The following NRCAM variants were observed in gnomAD, a reference collection of about 807,000 sequenced individuals.
NRCAM encodes the protein NgCAM-related cell adhesion molecule.
A neutral mutation model predicts 156.5 loss-of-function variants in NRCAM; 83 were observed. The ratio of observed to expected loss-of-function variants is 0.53; its 90% CI spans 0.44 to 0.64. The LOEUF (loss-of-function observed/expected upper bound fraction) is 0.64. Among genes scored for constraint, NRCAM ranks in the 30% least tolerant of loss-of-function variants. NRCAM has a pLI of 0.00. For synonymous variants in NRCAM, 538 were observed against 563.9 expected (o/e 0.95, Z 0.65); for missense variants, 1,417 against 1,597.3 (o/e 0.89, Z 1.92).
At chr7:108,260,138 C>T (rs1019481278) in intron 3 of NRCAM, among the ~76,000 whole-genome samples, 11 of 152,106 alleles carry the variant, frequency 7.2e-5, no homozygotes, top group African/African-American at 2.7e-4. Flanking sequence ...AGTTTTGCTT[C>T]CTATTCCGTT....
At position 108,265,197 on chromosome 7, in the gene NRCAM, C is replaced by T. The variant is rs926969247; in HGVS notation, c.-106-25027G>A. 2.0e-5 allele frequency among the ~76,000 whole-genome samples: 3 copies of T among 152,312 alleles called. No individual in the cohort carries two copies. In the South Asian group the frequency reaches 6.2e-4, roughly 32 times the overall value. ...CAGGGCACATTCCCAGCTGTCCCTGCCTTTATCGTTTGTAGGGACCTGGTG... is the reference window on the plus strand; with the variant it reads ...CAGGGCACATTCCCAGCTGTCCCTGTCTTTATCGTTTGTAGGGACCTGGTG... On this transcript the variant is annotated intron_variant, in intron 3 of 32. Transcript: ENST00000379028.
At chr7:108,418,681 TACAC>T (rs1805059860) in intron 1 of NRCAM, among the ~76,000 whole-genome samples, 1 of 151,630 alleles carries the variant, frequency 6.6e-6, no homozygotes, top group Non-Finnish European at 1.5e-5. Flanking sequence ...ACTTAGAAAA[TACAC>T]ACCATCCTCA....
intron 13 of NRCAM, among the ~76,000 whole-genome samples, chr7:108,201,877 G>A (rs1015215894): frequency 1.3e-5 from 2 of 152,158 alleles, no homozygotes; most frequent in African/African-American, 4.8e-5. Flanking sequence ...ATAACAATGA[G>A]TAAGCAGACC....
At chr7:108,325,387 A>C (rs1459927682) in intron 2 of NRCAM, among the ~76,000 whole-genome samples, 1 of 152,146 alleles carries the variant, frequency 6.6e-6, no homozygotes, top group African/African-American at 2.4e-5. Flanking sequence ...TCTTTCCTTC[A>C]TCTTGGGCAA....
At chr7:108,421,004 C>A (rs1274479139) in intron 1 of NRCAM, among the ~76,000 whole-genome samples, 2 of 152,078 alleles carry the variant, frequency 1.3e-5, no homozygotes, top group African/African-American at 4.8e-5. Flanking sequence ...ATAAAAACCA[C>A]AACTGTTGGA....
At chr7:108,172,134 C>A (rs1005314225) in intron 28 of NRCAM, among the ~76,000 whole-genome samples, 2 of 152,150 alleles carry the variant, frequency 1.3e-5, no homozygotes, top group Non-Finnish European at 2.9e-5. Context: ...GTCCTCAGAG[C>A]GCCAGATTAC....
At chr7:108,152,191 G>A (rs1194413024) in intron 32 of NRCAM, among the ~76,000 whole-genome samples, 1 of 152,174 alleles carries the variant, frequency 6.6e-6, no homozygotes, top group Non-Finnish European at 1.5e-5. Flanking sequence ...AGTAAAGACT[G>A]CAGAAGGTGT....
chr7:108,453,745 A>G (rs550797599), intron 1 of NRCAM, among the ~76,000 whole-genome samples: 1 of 152,342 alleles, frequency 6.6e-6, no homozygotes, highest in East Asian at 1.9e-4. Flanking sequence ...AATTTTTCCA[A>G]TTGATCAGTT....
At chr7:108,345,912 CAGG>C in intron 2 of NRCAM, among the ~76,000 whole-genome samples, 1 of 152,180 alleles carries the variant, frequency 6.6e-6, no homozygotes, top group African/African-American at 2.4e-5. Flanking sequence ...TGGGGGAGCC[CAGG>C]AGTCGATGGC....
intron 8 of NRCAM, among the ~76,000 whole-genome samples, chr7:108,227,348 G>A (rs1162245003): frequency 6.6e-6 from 1 of 152,096 alleles, no homozygotes; most frequent in East Asian, 1.9e-4. Flanking sequence ...ATAATAAACT[G>A]TACATATTTG....
intron 3 of NRCAM, among the ~76,000 whole-genome samples, chr7:108,266,252 CCT>C (rs1315256444): frequency 9.2e-5 from 14 of 152,164 alleles, no homozygotes; most frequent in Admixed American, 9.2e-4. Flanking sequence ...GTTGGCATGG[CCT>C]CAACCATTTT....
chr7:108,295,279 G>C (rs1350091767), intron 3 of NRCAM, among the ~76,000 whole-genome samples: 1 of 152,162 alleles, frequency 6.6e-6, no homozygotes, highest in African/African-American at 2.4e-5. Context: ...ATGTTCTATA[G>C]ATGAGTAAAG....
intron 2 of NRCAM, among the ~76,000 whole-genome samples, chr7:108,376,064 G>A (rs905372287): frequency 2.6e-5 from 4 of 152,180 alleles, no homozygotes; most frequent in African/African-American, 9.7e-5. Context: ...GGTTGTTTAA[G>A]ACTTAGGCCT....
intron 1 of NRCAM, among the ~76,000 whole-genome samples, chr7:108,449,395 A>G (rs1847873659): frequency 1.3e-5 from 2 of 152,210 alleles, no homozygotes; most frequent in Admixed American, 6.5e-5. Context: ...GGGCCAAGAC[A>G]ACAGCCCAGC....
chr7:108,288,471 G>A (rs1438718273), intron 3 of NRCAM, among the ~76,000 whole-genome samples: 1 of 152,082 alleles, frequency 6.6e-6, no homozygotes, highest in African/African-American at 2.4e-5. Context: ...GTAGTATTTT[G>A]AGAACTGTAA....
At chr7:108,279,919 C>A (rs2154083723) in intron 3 of NRCAM, among the ~76,000 whole-genome samples, 1 of 152,234 alleles carries the variant, frequency 6.6e-6, no homozygotes, top group Non-Finnish European at 1.5e-5. Context: ...TTAACAGCTA[C>A]ATAAATGTGG....
chr7:108,383,695 A>G (rs2099714396), intron 2 of NRCAM, among the ~76,000 whole-genome samples: 1 of 152,274 alleles, frequency 6.6e-6, no homozygotes, highest in African/African-American at 2.4e-5. Flanking sequence ...AATAAAGTAC[A>G]GTCCCATACT....
chr7:108,455,956 G>T (rs979070023), intron 1 of NRCAM, among the ~76,000 whole-genome samples: 3 of 152,208 alleles, frequency 2.0e-5, no homozygotes, highest in Non-Finnish European at 4.4e-5. Context: ...CAGGCTGGAG[G>T]GGGTGGTGGG....
intron 32 of NRCAM, chr7:108,156,550 A>C (rs528966336): frequency 3.6e-6 from 1 of 277,724 alleles, no homozygotes; most frequent in South Asian, 1.4e-4. Flanking sequence ...TATAGCATAT[A>C]ATCACATTTG....
Sources: gnomAD v4.1 joint callset for allele counts (sites outside exome capture counted in the v4.1 genomes callset) on GRCh38, gnomAD v4.1.1 for gene constraint, MANE v1.5 for transcripts, NCBI Gene and HGNC (gene_info 2026-07-23, HGNC 2026-07-21) for gene names.